The following DSCAM variants were observed in gnomAD, a reference collection of about 807,000 sequenced individuals.
DSCAM encodes the protein DS cell adhesion molecule, also known as cell adhesion molecule DSCAM.
In DSCAM, 47 loss-of-function variants were observed where a neutral mutation model predicts 217.7. That is an observed-to-expected ratio of 0.22 (90% CI 0.17 to 0.28). DSCAM has a LOEUF of 0.28. DSCAM is among the 10% of genes least tolerant of loss of function. DSCAM has a pLI of 1.00. For synonymous variants in DSCAM, 1,056 were observed against 1,015.3 expected (o/e 1.04, Z -0.76); for missense variants, 2,080 against 2,618.3 (o/e 0.79, Z 4.49).
intron 1 of DSCAM, among the ~76,000 whole-genome samples, chr21:40,748,036 C>T (rs1373509052): frequency 2.0e-5 from 3 of 151,674 alleles, no homozygotes; most frequent in Non-Finnish European, 4.4e-5. Context: ...TAAAAATCCT[C>T]CAGAAATTGG....
intron 3 of DSCAM, among the ~76,000 whole-genome samples, chr21:40,396,397 T>C (rs1180169065): frequency 6.6e-6 from 1 of 152,100 alleles, no homozygotes; most frequent in Non-Finnish European, 1.5e-5. Context: ...CTCGTTAATA[T>C]CTACTGTAAT....
At chr21:40,670,979 T>C (rs2837776) in intron 3 of DSCAM, among the ~76,000 whole-genome samples, 116,058 of 152,118 alleles carry the variant, frequency 0.76, 47,499 homozygotes, top group East Asian at 0.98. Flanking sequence ...AATATTGTAA[T>C]CAGATTATAA....
rs186192356 is a variant in DSCAM at position 40,463,290 on chromosome 21, C to T, written c.509-94045G>A. Among the ~76,000 whole-genome samples, 62 of 152,210 alleles carry T rather than the reference C, an allele frequency of 4.1e-4. No homozygotes were observed. The East Asian group carries it at 0.011, about 28-fold the overall frequency. The stretch of plus-strand genomic sequence containing the variant: ...AACCCCAAATGCCTAGTTTAAATCA[C>T]ATGTGGTGAGCTGGACATAGCTGAA... On this transcript the variant is annotated intron_variant, in intron 3 of 32. Transcript: ENST00000400454.
chr21:40,641,744 T>C (rs564814208), intron 3 of DSCAM, among the ~76,000 whole-genome samples: 21 of 152,282 alleles, frequency 1.4e-4, no homozygotes, highest in African/African-American at 4.8e-4. Flanking sequence ...TACACACTGA[T>C]AAAAGCCAAG....
chr21:40,764,950 G>A (rs1351232545), intron 1 of DSCAM, among the ~76,000 whole-genome samples: 8 of 151,946 alleles, frequency 5.3e-5, no homozygotes, highest in Non-Finnish European at 2.9e-5. Flanking sequence ...GGGCCTGTCA[G>A]GGGGTGGAGG....
chr21:40,267,200 A>AGTAAAAATT (rs199583099), intron 11 of DSCAM, among the ~76,000 whole-genome samples: 1 of 152,126 alleles, frequency 6.6e-6, no homozygotes, highest in African/African-American at 2.4e-5. Flanking sequence ...AAAAAATGAA[A>AGTAAAAATT]AAACAAGTAA....
intron 3 of DSCAM, among the ~76,000 whole-genome samples, chr21:40,421,168 G>A (rs577961667): frequency 1.4e-4 from 21 of 152,274 alleles, no homozygotes; most frequent in African/African-American, 4.6e-4. Context: ...AGACTTGAGA[G>A]CCATGGAGAG....
chr21:40,579,849 T>G (rs1297779320), intron 3 of DSCAM, among the ~76,000 whole-genome samples: 1 of 152,206 alleles, frequency 6.6e-6, no homozygotes, highest in Non-Finnish European at 1.5e-5. Flanking sequence ...TGAAGATTTT[T>G]CTTTGGTACT....
At chr21:40,244,209 G>C (rs1273742417) in intron 11 of DSCAM, among the ~76,000 whole-genome samples, 1 of 152,176 alleles carries the variant, frequency 6.6e-6, no homozygotes, top group Non-Finnish European at 1.5e-5. Flanking sequence ...CCAACACTTT[G>C]GGAGGCCAAG....
At chr21:40,636,351 C>G (rs1456808742) in intron 3 of DSCAM, among the ~76,000 whole-genome samples, 1 of 151,556 alleles carries the variant, frequency 6.6e-6, no homozygotes, top group Non-Finnish European at 1.5e-5. Flanking sequence ...TTATCTCAAC[C>G]AAGAGGTTAA....
chr21:40,386,442 C>T (rs532222283), intron 3 of DSCAM, among the ~76,000 whole-genome samples: 1 of 152,306 alleles, frequency 6.6e-6, no homozygotes, highest in South Asian at 2.1e-4. Flanking sequence ...GCTGAGGAAT[C>T]GGCCTTGGAG....
At chr21:40,092,445 A>T (rs1255030073) in intron 21 of DSCAM, among the ~76,000 whole-genome samples, 1 of 152,154 alleles carries the variant, frequency 6.6e-6, no homozygotes, top group Non-Finnish European at 1.5e-5. Flanking sequence ...TACAACAGGC[A>T]CTCAAAATGA....
chr21:40,049,449 G>C (rs1163761738), intron 30 of DSCAM, among the ~76,000 whole-genome samples: 1 of 152,110 alleles, frequency 6.6e-6, no homozygotes, highest in Non-Finnish European at 1.5e-5. Context: ...TTGGACCCAA[G>C]AGAGCCCCTC....
intron 3 of DSCAM, among the ~76,000 whole-genome samples, chr21:40,670,314 T>C (rs1436253548): frequency 6.6e-6 from 1 of 152,162 alleles, no homozygotes; most frequent in African/African-American, 2.4e-5. Context: ...TTTCTGCCTC[T>C]GTAAATTTGA....
At chr21:40,623,787 G>A (rs1240009111) in intron 3 of DSCAM, among the ~76,000 whole-genome samples, 1 of 152,202 alleles carries the variant, frequency 6.6e-6, no homozygotes, top group African/African-American at 2.4e-5. Context: ...ATGTGGTCAA[G>A]AGAAAACACT....
intron 3 of DSCAM, among the ~76,000 whole-genome samples, chr21:40,424,011 T>C (rs1348206254): frequency 1.3e-5 from 2 of 152,304 alleles, no homozygotes; most frequent in East Asian, 3.9e-4. Context: ...GTTTTCCACT[T>C]TAATAAATAA....
At chr21:40,771,205 C>A (rs1370219295) in intron 1 of DSCAM, among the ~76,000 whole-genome samples, 1 of 152,198 alleles carries the variant, frequency 6.6e-6, no homozygotes, top group African/African-American at 2.4e-5. Flanking sequence ...AGGGCACGAG[C>A]TTTCATTAGC....
chr21:40,092,032 A>G (rs1400997377), intron 21 of DSCAM, among the ~76,000 whole-genome samples: 2 of 152,124 alleles, frequency 1.3e-5, no homozygotes, highest in African/African-American at 4.8e-5. Context: ...GAGTGAACAC[A>G]TCTCTTAAAC....
intron 4 of DSCAM, among the ~76,000 whole-genome samples, chr21:40,356,351 T>C (rs1246018130): frequency 6.6e-6 from 1 of 151,154 alleles, no homozygotes; most frequent in Non-Finnish European, 1.5e-5. Context: ...AAATGTTAAC[T>C]ATGTGAGGCA....
Sources: allele counts gnomAD v4.1 joint callset (sites outside exome capture counted in the v4.1 genomes callset), GRCh38; gene constraint gnomAD v4.1.1; transcripts MANE v1.5; gene names NCBI Gene and HGNC (gene_info 2026-07-23, HGNC 2026-07-21).